The following TCERG1 variants were observed in gnomAD, a reference collection of about 807,000 sequenced individuals.
TCERG1 encodes the protein TATA box binding protein (TBP)-associated factor, RNA polymerase II, S, 150kD.
TCERG1 carries 37 observed loss-of-function variants against 144.7 expected under a neutral mutation model. The observed-to-expected ratio is 0.26, with a 90% CI of 0.20 to 0.34. The LOEUF is 0.34. TCERG1 is among the 10% of genes least tolerant of loss of function. TCERG1 has a pLI of 1.00. For missense variants in TCERG1, 1,027 were observed against 1,380.7 expected (o/e 0.74, Z 4.06); for synonymous variants, 492 against 458.2 (o/e 1.07, Z -0.94).
chr5:146,468,291 C>A, intron 5 of TCERG1, 50 bp from the exon 6 acceptor site: 1 of 1,396,450 alleles, frequency 7.2e-7, no homozygotes, highest in Non-Finnish European at 9.7e-7. Context: ...CAGTGGTAGC[C>A]GACATACAAT....
chr5:146,503,301 A>AATATTTAAG, intron 17 of TCERG1, 74 bp from the exon 18 acceptor site: 1 of 1,434,006 alleles, frequency 7.0e-7, no homozygotes, highest in Non-Finnish European at 9.4e-7. Context: ...TCTAGTTGTA[A>AATATTTAAG]ATATTTAAGA....
intron 1 of TCERG1, among the ~76,000 whole-genome samples, chr5:146,451,710 G>A (rs1762363108): frequency 6.7e-6 from 1 of 148,480 alleles, no homozygotes; most frequent in Non-Finnish European, 1.5e-5. Context: ...TGGTGTAGTA[G>A]TTCTGGACTT....
At chr5:146,497,819 C>G (rs746693498) in intron 16 of TCERG1, among the ~76,000 whole-genome samples, 2 of 152,166 alleles carry the variant, frequency 1.3e-5, no homozygotes, top group Non-Finnish European at 2.9e-5. Context: ...CCCTTTAATA[C>G]TACTGACTCT....
intron 15 of TCERG1, 26 bp downstream of exon 15, chr5:146,483,655 G>A: frequency 6.8e-7 from 1 of 1,472,030 alleles, no homozygotes; most frequent in South Asian, 1.2e-5. Context: ...CATTAACTAA[G>A]AATGTATATC....
At chr5:146,474,617 A>G (rs887365678) in intron 9 of TCERG1, among the ~76,000 whole-genome samples, 1 of 152,154 alleles carries the variant, frequency 6.6e-6, no homozygotes, top group Non-Finnish European at 1.5e-5. Context: ...CAATTGATAT[A>G]GAAAACTTCA....
rs1371788737 is a variant in TCERG1, at chr5:146,511,409, C to T, written c.*767C>T. ...CTGGGTGTTTCTTGTAAACTATACTCCTGTTTGAATGTTAAACTTTGTTGC... is the reference window on the plus strand; with the variant it reads ...CTGGGTGTTTCTTGTAAACTATACTTCTGTTTGAATGTTAAACTTTGTTGC... On this transcript the variant is annotated 3_prime_UTR_variant, in exon 23 of 23. Transcript: ENST00000679501. 1 of 152,498 alleles carries T rather than the reference C, an allele frequency of 6.6e-6. No individual in the cohort carries two copies. The highest frequency in any genetic ancestry group is 1.5e-5 in the Non-Finnish European group (1 of 68,002). 9.4% of individuals were successfully genotyped at this position (152,498 alleles called of 1,614,324 possible). A position where few individuals can be genotyped will look rare whatever the true frequency, so the allele number is the denominator to read the frequency against.
At chr5:146,473,010 G>A (rs759141374) in intron 9 of TCERG1, among the ~76,000 whole-genome samples, 3 of 152,132 alleles carry the variant, frequency 2.0e-5, no homozygotes, top group Non-Finnish European at 2.9e-5. Flanking sequence ...ACCATGCCCA[G>A]CTACATACCT....
At chr5:146,474,223 T>A (rs960912061) in intron 9 of TCERG1, among the ~76,000 whole-genome samples, 2 of 152,188 alleles carry the variant, frequency 1.3e-5, no homozygotes, top group African/African-American at 4.8e-5. Context: ...ATACCAACTC[T>A]CATGGATGAT....
intron 1 of TCERG1, among the ~76,000 whole-genome samples, chr5:146,451,885 T>C (rs1297472185): frequency 6.6e-6 from 1 of 151,882 alleles, no homozygotes; most frequent in African/African-American, 2.4e-5. Flanking sequence ...CCTCCTGGGT[T>C]TGAGTGATTG....
At chr5:146,486,163 A>G (rs893619121) in intron 15 of TCERG1, among the ~76,000 whole-genome samples, 1 of 152,216 alleles carries the variant, frequency 6.6e-6, no homozygotes, top group Non-Finnish European at 1.5e-5. Context: ...TAGGTTGCAC[A>G]TTACACATTT....
intron 1 of TCERG1, among the ~76,000 whole-genome samples, chr5:146,447,800 T>C (rs911388777): frequency 6.6e-6 from 1 of 152,262 alleles, no homozygotes; most frequent in Non-Finnish European, 1.5e-5. Context: ...TCGACGTCTC[T>C]GCACTCCGCA....
chr5:146,505,746 T>C (rs1181391669), intron 19 of TCERG1: 1 of 151,484 alleles, frequency 6.6e-6, no homozygotes, highest in African/African-American at 2.4e-5. Context: ...GTATTTGCAG[T>C]TATTTGCTTA....
At chr5:146,505,815 T>C (rs1290429010) in intron 19 of TCERG1, among the ~76,000 whole-genome samples, 1 of 152,242 alleles carries the variant, frequency 6.6e-6, no homozygotes, top group East Asian at 1.9e-4. Context: ...TCTCACTCTG[T>C]CACCCAGCTG....
intron 4 of TCERG1, 27 bp downstream of exon 4, chr5:146,459,364 A>G (rs906901287): frequency 4.4e-6 from 7 of 1,603,658 alleles, no homozygotes; most frequent in Non-Finnish European, 5.1e-6. Context: ...ATGTGTTTTT[A>G]TATAGGGGCT....
intron 13 of TCERG1, chr5:146,481,610 T>C (rs935598711): frequency 6.6e-6 from 1 of 152,196 alleles, no homozygotes; most frequent in Non-Finnish European, 1.5e-5. Flanking sequence ...TAGCATGCTT[T>C]TGAATTTCCA....
At chr5:146,501,177 T>C (rs1767406192) in intron 17 of TCERG1, among the ~76,000 whole-genome samples, 2 of 152,236 alleles carry the variant, frequency 1.3e-5, no homozygotes. Flanking sequence ...GTTAATACAC[T>C]GTTACAAAAT....
Position 146,510,433 on chromosome 5 carries a change from T to A in TCERG1, c.3147-8T>A. 6.2e-7 allele frequency: 1 copy of A among 1,606,524 alleles called. No individual in the cohort carries two copies. Among genetic ancestry groups the A allele is most frequent in the Non-Finnish European group, 8.5e-7 (1 of 1,173,352 alleles). ...CAGTAATTCTTGGACTTCTTTTTCT[T>A]ATTTCAGATCCAAAAAATTAATCCA... On this transcript the variant is annotated splice_region_variant and splice_polypyrimidine_tract_variant and intron_variant, in intron 22 of 22. Coordinates refer to ENST00000679501, the MANE Select transcript of TCERG1 (RefSeq NM_001382548.1).
chr5:146,455,831 C>A (rs931658140), intron 2 of TCERG1, among the ~76,000 whole-genome samples: 8 of 152,074 alleles, frequency 5.3e-5, no homozygotes, highest in African/African-American at 1.9e-4. Context: ...TATGGGATTT[C>A]TTTAAATAAA....
At chr5:146,450,982 T>C (rs561595490) in intron 1 of TCERG1, among the ~76,000 whole-genome samples, 3 of 152,312 alleles carry the variant, frequency 2.0e-5, no homozygotes, top group Non-Finnish European at 2.9e-5. Flanking sequence ...GGCTCAGAAA[T>C]TATGTAACTA....
Sources: allele counts gnomAD v4.1 joint callset (sites outside exome capture counted in the v4.1 genomes callset), GRCh38; gene constraint gnomAD v4.1.1; transcripts MANE v1.5; gene names NCBI Gene and HGNC (gene_info 2026-07-23, HGNC 2026-07-21).